The following PCDHGB1 variants were observed in gnomAD, a reference collection of about 807,000 sequenced individuals.
PCDHGB1 encodes the protein protocadherin gamma subfamily B, 1.
Under a neutral mutation model 56.6 loss-of-function variants are expected in PCDHGB1, and 34 were observed. The ratio of observed to expected loss-of-function variants is 0.60; its 90% CI spans 0.46 to 0.80. The LOEUF (loss-of-function observed/expected upper bound fraction) is 0.80. Among genes scored for constraint, PCDHGB1 ranks in the 30% least tolerant of loss-of-function variants. The pLI, the probability that PCDHGB1 is intolerant of heterozygous loss-of-function variation, is 0.00. For synonymous variants in PCDHGB1, 561 were observed against 505.9 expected (o/e 1.11, Z -1.46); for missense variants, 1,278 against 1,204.6 (o/e 1.06, Z -0.90).
At chr5:141,371,163 G>A (rs79773129) in intron 1 of PCDHGB1, 6 of 1,613,984 alleles carry the variant, frequency 3.7e-6, no homozygotes, top group African/African-American at 1.3e-5. Flanking sequence ...GAACCTGCCC[G>A]CTGGCTCCTC....
chr5:141,457,495 T>C (rs2098922394), intron 1 of PCDHGB1, among the ~76,000 whole-genome samples: 1 of 152,204 alleles, frequency 6.6e-6, no homozygotes, highest in Admixed American at 6.5e-5. Context: ...GTCTAAAATG[T>C]AGGCAAAAAG....
chr5:141,410,352 G>T (rs754268147), intron 1 of PCDHGB1: 4 of 1,614,022 alleles, frequency 2.5e-6, no homozygotes, highest in South Asian at 2.2e-5. Flanking sequence ...CGCCTGCGAC[G>T]CTCTCTCAGC....
chr5:141,388,812 G>A, intron 1 of PCDHGB1: 3 of 1,613,934 alleles, frequency 1.9e-6, no homozygotes, highest in Non-Finnish European at 2.5e-6. Context: ...TTTTGAAGAA[G>A]TCAAAGAATA....
intron 1 of PCDHGB1, among the ~76,000 whole-genome samples, chr5:141,453,864 G>A (rs758778743): frequency 2.6e-5 from 4 of 152,192 alleles, no homozygotes; most frequent in Non-Finnish European, 5.9e-5. Context: ...GAAAATAACA[G>A]ATGAGCAAAA....
Position 141,431,883 on chromosome 5 carries a change from A to T in PCDHGB1, c.2410-62924A>T, listed in dbSNP as rs748968989. 6.8e-6 allele frequency: 11 copies of T among 1,614,118 alleles called. No individual in the cohort carries two copies. The highest frequency in any genetic ancestry group is 1.1e-5 in the South Asian group (1 of 91,084). On this transcript the variant is annotated intron_variant, in intron 1 of 3. Transcript: ENST00000523390. The surrounding 1 kb of genome is among the most constrained non-coding windows in gnomAD (Gnocchi z 4.8). ...GCCCTTTTAAATGTAAATGACCAAG[A>T]TTCTGAGGAAAACGGACAGGTGATC...
chr5:141,376,374 G>T lies in PCDHGB1; in HGVS notation c.2409+23705G>T, dbSNP rs561821467. Reference sequence around the variant, plus strand: ...GAGGTCTCACTCACTGCAGACTCGCGTAAGAGTCATCTGATTTTCCCCCAG... The same window carrying T: ...GAGGTCTCACTCACTGCAGACTCGCTTAAGAGTCATCTGATTTTCCCCCAG... On this transcript the variant is annotated intron_variant, in intron 1 of 3. Transcript: ENST00000523390. The T allele has an allele frequency of 2.0e-5, 32 of 1,614,190 alleles. No homozygotes were observed. In the African/African-American group the frequency reaches 3.2e-4, roughly 16 times the overall value.
At chr5:141,384,901 A>G in intron 1 of PCDHGB1, 1 of 1,613,838 alleles carries the variant, frequency 6.2e-7, no homozygotes, top group South Asian at 1.1e-5. Flanking sequence ...GGCTGACAGC[A>G]TCCCCGAAGT....
chr5:141,377,683 T>C (rs1160424297), intron 1 of PCDHGB1: 1 of 152,192 alleles, frequency 6.6e-6, no homozygotes, highest in Non-Finnish European at 1.5e-5. Context: ...AAGAGATCTT[T>C]CACCTTTACT....
At position 141,404,694 on chromosome 5, in the gene PCDHGB1, C is replaced by G. The variant is rs749803871; in HGVS notation, c.2409+52025C>G. 3.1e-6 allele frequency: 5 copies of G among 1,613,998 alleles called. No individual in the cohort carries two copies. In the Admixed American group the frequency reaches 5.0e-5, roughly 16 times the overall value. On this transcript the variant is annotated intron_variant, in intron 1 of 3. Coordinates refer to ENST00000523390, the MANE Select transcript of PCDHGB1 (RefSeq NM_018922.3). ...ACTGGTGTGGAGCTGGCACCCCGCT[C>G]TGCAGAGCCTGGCTACCTGGTGACC...
At chr5:141,374,703 T>C in intron 1 of PCDHGB1, 1 of 1,609,272 alleles carries the variant, frequency 6.2e-7, no homozygotes, top group Non-Finnish European at 8.5e-7. Flanking sequence ...GGAGAAGCCG[T>C]TTACCGCCTG....
At chr5:141,479,189 G>A (rs1466742057) in intron 1 of PCDHGB1, 3 of 152,358 alleles carry the variant, frequency 2.0e-5, no homozygotes, top group African/African-American at 7.2e-5. Flanking sequence ...AGAAAATTCA[G>A]AAAATACAGA....
intron 1 of PCDHGB1, chr5:141,408,935 G>C (rs773802276): frequency 6.2e-7 from 1 of 1,613,472 alleles, no homozygotes; most frequent in Non-Finnish European, 8.5e-7. Context: ...TTTCAGCAGA[G>C]ACGAATATAG....
chr5:141,507,601 A>G (rs2099861935), intron 3 of PCDHGB1, among the ~76,000 whole-genome samples: 1 of 152,254 alleles, frequency 6.6e-6, no homozygotes, highest in South Asian at 2.1e-4. Flanking sequence ...TGAGGGAAAT[A>G]AACAGGTATA....
At chr5:141,376,728 G>A (rs1773296004) in intron 1 of PCDHGB1, 1 of 538,000 alleles carries the variant, frequency 1.9e-6, no homozygotes, top group Non-Finnish European at 3.1e-6. Context: ...CGCCCAGGCC[G>A]GACTGCGGAC....
chr5:141,465,366 A>G (rs2099102089), intron 1 of PCDHGB1, among the ~76,000 whole-genome samples: 1 of 152,154 alleles, frequency 6.6e-6, no homozygotes, highest in Non-Finnish European at 1.5e-5. Flanking sequence ...GGTGCCCTTT[A>G]AAGTTGTAAG....
chr5:141,433,987 T>C (rs1332689630), intron 1 of PCDHGB1, among the ~76,000 whole-genome samples: 1 of 152,252 alleles, frequency 6.6e-6, no homozygotes, highest in Non-Finnish European at 1.5e-5. Context: ...GAAGAAGAGT[T>C]TTATATTCTC....
Position 141,384,834 on chromosome 5 carries a change from C to T in PCDHGB1, c.2409+32165C>T, listed in dbSNP as rs369584315. 6.0e-5 allele frequency: 97 copies of T among 1,613,478 alleles called. No individual in the cohort carries two copies. The African/African-American group carries it at 1.2e-3, about 19-fold the overall frequency. On this transcript the variant is annotated intron_variant, in intron 1 of 3. Coordinates refer to ENST00000523390, the MANE Select transcript of PCDHGB1 (RefSeq NM_018922.3). The stretch of plus-strand genomic sequence containing the variant: ...CCCTCAAGCAGAGCCTCGTGGTGGC[C>T]GTCCAGGACCACGGTCAGCCTCCTC...
rs1292582179 is a variant in PCDHGB1 at position 141,350,354 on chromosome 5, C to A, written c.94C>A (p.Arg32=). The change falls in exon 1 of 4, where the codon CGA becomes AGA. Residue 32 remains arginine, a synonymous_variant. Transcript: ENST00000523390. Reference sequence around the variant, plus strand: ...CTGCGGGGCCATCTCCCAGCAGATCCGATACACGATTCCAGAGGAGCTAGC... The same window carrying A: ...CTGCGGGGCCATCTCCCAGCAGATCAGATACACGATTCCAGAGGAGCTAGC... ...LFCGAISQQI[R]YTIPEELANG... 8 of 1,564,814 alleles carry A rather than the reference C, an allele frequency of 5.1e-6. No individual in the cohort carries two copies. Among genetic ancestry groups the A allele is most frequent in the Non-Finnish European group, 6.9e-6 (8 of 1,155,378 alleles).
At chr5:141,443,169 T>C (rs946262743) in intron 1 of PCDHGB1, among the ~76,000 whole-genome samples, 2 of 152,170 alleles carry the variant, frequency 1.3e-5, no homozygotes, top group Non-Finnish European at 2.9e-5. Flanking sequence ...TCCCTACCCA[T>C]GTCCACTGCA....
Sources: gnomAD v4.1 joint callset for allele counts (sites outside exome capture counted in the v4.1 genomes callset) on GRCh38, gnomAD v4.1.1 for gene constraint, Gnocchi (gnomAD v3.1) non-coding constraint, MANE v1.5 for transcripts, NCBI Gene and HGNC (gene_info 2026-07-23, HGNC 2026-07-21) for gene names.